Variants in UST observed in about 807,000 individuals in gnomAD.
UST encodes uronyl 2-sulfotransferase.
A neutral mutation model predicts 45.6 loss-of-function variants in UST; 21 were observed. That is an observed-to-expected ratio of 0.46 (90% CI 0.33 to 0.66). The LOEUF (loss-of-function observed/expected upper bound fraction) is 0.66, where lower values mean the gene tolerates loss of function less well. Ranked by LOEUF, UST falls within the 30% of genes least tolerant of loss-of-function variation. The pLI is 0.02. For missense variants in UST, 463 were observed against 512.4 expected, an observed-to-expected ratio of 0.90 and a Z score of 0.93; for synonymous variants, 215 against 200.6, an observed-to-expected ratio of 1.07 and a Z score of -0.61.
chr6:148,894,496 A>G (rs1779081138), intron 2 of UST, among the ~76,000 whole-genome samples: 1 of 152,210 alleles, frequency 6.6e-6, no homozygotes. Flanking sequence ...AGGTACACCA[A>G]GGATGGCTGG....
chr6:149,005,021 T>G (rs1781620941), intron 5 of UST, among the ~76,000 whole-genome samples: 1 of 151,982 alleles, frequency 6.6e-6, no homozygotes, highest in South Asian at 2.1e-4. Flanking sequence ...TTTTTTAACT[T>G]TTTTGTAGAG....
chr6:148,881,542 T>G (rs1778823032), intron 1 of UST, among the ~76,000 whole-genome samples: 1 of 152,184 alleles, frequency 6.6e-6, no homozygotes, highest in South Asian at 2.1e-4. Flanking sequence ...TGGGTGGGTA[T>G]AGACAGGACA....
chr6:148,917,009 C>T (rs1779603043), intron 2 of UST, among the ~76,000 whole-genome samples: 1 of 152,174 alleles, frequency 6.6e-6, no homozygotes, highest in African/African-American at 2.4e-5. Flanking sequence ...TGGTCTGATT[C>T]GACACCATGG....
In UST at chr6:148,960,225, G is replaced by A. The variant is rs558378854; in HGVS notation, c.528-4185G>A. Among the ~76,000 whole-genome samples, 4 of 152,294 alleles carry A rather than the reference G, an allele frequency of 2.6e-5. No homozygotes were observed. In the South Asian group the frequency reaches 8.3e-4, roughly 32 times the overall value. ...AATCGCTTGAACCCAGGAGGCAGATGTTGCAGTAAGCCGAGATCACGCCAT... is the reference window on the plus strand; with the variant it reads ...AATCGCTTGAACCCAGGAGGCAGATATTGCAGTAAGCCGAGATCACGCCAT... On this transcript the variant is annotated intron_variant, in intron 4 of 7. Coordinates refer to ENST00000367463, the MANE Select transcript of UST (RefSeq NM_005715.3).
intron 1 of UST, among the ~76,000 whole-genome samples, chr6:148,817,952 CAG>C (rs897495562): frequency 1.3e-5 from 2 of 152,148 alleles, no homozygotes; most frequent in African/African-American, 4.8e-5. Context: ...ACTACAATGA[CAG>C]AGTTGAGTGA....
At chr6:148,772,182 A>C (rs2114674968) in intron 1 of UST, among the ~76,000 whole-genome samples, 1 of 152,298 alleles carries the variant, frequency 6.6e-6, no homozygotes. Context: ...GAGAGAATAG[A>C]ATATTGAGTT....
intron 1 of UST, among the ~76,000 whole-genome samples, chr6:148,765,735 AATTATAAAAGT>A (rs1776309147): frequency 6.6e-6 from 1 of 152,158 alleles, no homozygotes; most frequent in African/African-American, 2.4e-5. Context: ...AGGCATAAGA[AATTATAAAAGT>A]ATTAATTTGG....
intron 2 of UST, among the ~76,000 whole-genome samples, chr6:148,913,601 C>G (rs1779521887): frequency 1.3e-5 from 2 of 151,890 alleles, no homozygotes; most frequent in Non-Finnish European, 2.9e-5. Flanking sequence ...GAGTAGTTAT[C>G]CTTTTCTTAG....
intron 5 of UST, among the ~76,000 whole-genome samples, chr6:148,986,753 C>T (rs113179988): frequency 7.7e-4 from 118 of 152,350 alleles, no homozygotes; most frequent in African/African-American, 2.5e-3. Context: ...CTCGGAATCC[C>T]TGTGGAGAGC....
chr6:148,896,269 C>T (rs1317896601), intron 2 of UST, among the ~76,000 whole-genome samples: 2 of 152,194 alleles, frequency 1.3e-5, no homozygotes, highest in African/African-American at 4.8e-5. Flanking sequence ...TTTCTGTCTC[C>T]CAAAACCTCA....
intron 3 of UST, among the ~76,000 whole-genome samples, chr6:148,944,811 C>T (rs1780202588): frequency 6.6e-6 from 1 of 152,142 alleles, no homozygotes; most frequent in African/African-American, 2.4e-5. Flanking sequence ...CATTTATGCC[C>T]TAAAACTAGA....
At chr6:148,886,726 CG>C (rs1778918491) in intron 1 of UST, among the ~76,000 whole-genome samples, 1 of 152,016 alleles carries the variant, frequency 6.6e-6, no homozygotes, top group Non-Finnish European at 1.5e-5. Flanking sequence ...AATAATGGTG[CG>C]TGTTACTGTG....
intron 7 of UST, among the ~76,000 whole-genome samples, chr6:149,045,781 T>C (rs1776386744): frequency 6.6e-6 from 1 of 152,242 alleles, no homozygotes; most frequent in African/African-American, 2.4e-5. Context: ...CCATTTTCTT[T>C]AATCATCTAT....
chr6:148,840,462 C>T (rs747906436), intron 1 of UST, among the ~76,000 whole-genome samples: 41 of 152,134 alleles, frequency 2.7e-4, no homozygotes, highest in Non-Finnish European at 5.0e-4. Context: ...TTTAGCTATT[C>T]GTCATATCCT....
intron 1 of UST, among the ~76,000 whole-genome samples, chr6:148,769,458 G>T (rs1449219599): frequency 6.6e-6 from 1 of 152,222 alleles, no homozygotes; most frequent in East Asian, 1.9e-4. Context: ...CTTCAAATCA[G>T]AAGTCTTCTG....
intron 1 of UST, among the ~76,000 whole-genome samples, chr6:148,787,039 T>G (rs1348052133): frequency 1.3e-5 from 2 of 152,222 alleles, no homozygotes; most frequent in Non-Finnish European, 2.9e-5. Context: ...TCATGTCCTT[T>G]GCCTGCTTTT....
intron 1 of UST, among the ~76,000 whole-genome samples, chr6:148,791,976 G>A (rs1445376060): frequency 1.3e-5 from 2 of 152,106 alleles, no homozygotes; most frequent in Admixed American, 6.5e-5. Context: ...CTCTCAAATA[G>A]TCTAATCTAA....
intron 2 of UST, among the ~76,000 whole-genome samples, chr6:148,903,382 A>G (rs1779295985): frequency 6.6e-6 from 1 of 152,192 alleles, no homozygotes; most frequent in East Asian, 1.9e-4. Context: ...TCAAGTTTTA[A>G]TAATATTAAA....
At chr6:148,764,143 A>G (rs1334486304) in intron 1 of UST, among the ~76,000 whole-genome samples, 1 of 151,964 alleles carries the variant, frequency 6.6e-6, no homozygotes, top group Admixed American at 6.6e-5. Context: ...ATGCTTTTCC[A>G]TTTGTTTGTG....
Sources: allele counts gnomAD v4.1 joint callset (sites outside exome capture counted in the v4.1 genomes callset), GRCh38; gene constraint gnomAD v4.1.1; transcripts MANE v1.5; gene names NCBI Gene and HGNC (gene_info 2026-07-23, HGNC 2026-07-21).